ADAM18: variants seen among roughly 807,000 people sequenced by gnomAD.
ADAM18 encodes ADAM metallopeptidase domain 18, also known as disintegrin and metalloproteinase domain-containing protein 18.
A neutral mutation model predicts 94.4 loss-of-function variants in ADAM18; 117 were observed. That is an observed-to-expected ratio of 1.24 (90% CI 1.07 to 1.45). The LOEUF is 1.45. ADAM18 is among the 40% of genes most tolerant of loss of function. The pLI is 0.00. For missense variants in ADAM18, 936 were observed against 880.0 expected, an observed-to-expected ratio of 1.06 and a Z score of -0.81; for synonymous variants, 327 against 291.6, an observed-to-expected ratio of 1.12 and a Z score of -1.24.
At chr8:39,619,026 C>T (rs1289554096) in intron 6 of ADAM18, among the ~76,000 whole-genome samples, 1 of 151,980 alleles carries the variant, frequency 6.6e-6, no homozygotes, top group Non-Finnish European at 1.5e-5. Flanking sequence ...AGTAGCTATA[C>T]TTAGATAAAA....
chr8:39,641,630 G>A (rs1299961729), intron 10 of ADAM18, among the ~76,000 whole-genome samples: 1 of 152,056 alleles, frequency 6.6e-6, no homozygotes, highest in Admixed American at 6.6e-5. Flanking sequence ...GTGAGAACAT[G>A]TGGTATTTGG....
chr8:39,680,026 T>C lies in ADAM18; in HGVS notation c.1632-11T>C. The C allele has an allele frequency of 6.2e-7, 1 of 1,612,532 alleles. No individual in the cohort carries two copies. ...TAAACTGATAAGGAACTTTTTGCTT[T>C]CCACTTCCAGGGATGTTCTCTGTGG... On this transcript the variant is annotated splice_polypyrimidine_tract_variant and intron_variant, in intron 15 of 19. Coordinates refer to ENST00000265707, the MANE Select transcript of ADAM18 (RefSeq NM_014237.3).
chr8:39,653,614 A>C (rs1820600505), intron 12 of ADAM18, among the ~76,000 whole-genome samples: 1 of 152,244 alleles, frequency 6.6e-6, no homozygotes, highest in African/African-American at 2.4e-5. Context: ...TTTTAGACTT[A>C]GGAAAAAACC....
intron 6 of ADAM18, among the ~76,000 whole-genome samples, chr8:39,628,451 A>AGAT (rs905364067): frequency 2.0e-5 from 3 of 151,958 alleles, no homozygotes; most frequent in African/African-American, 7.2e-5. Context: ...ATAGATAGAT[A>AGAT]GATAGATAAA....
chr8:39,688,607 G>T (rs1332009325), intron 16 of ADAM18, among the ~76,000 whole-genome samples: 1 of 152,016 alleles, frequency 6.6e-6, no homozygotes, highest in African/African-American at 2.4e-5. Flanking sequence ...TGTATATGTA[G>T]CACATTTTCT....
intron 3 of ADAM18, among the ~76,000 whole-genome samples, chr8:39,607,672 C>G (rs759164102): frequency 1.3e-5 from 2 of 151,980 alleles, no homozygotes; most frequent in African/African-American, 4.8e-5. Context: ...GACTCCTGCT[C>G]CTGATTTTAC....
chr8:39,644,804 C>A (rs940926857), intron 10 of ADAM18, among the ~76,000 whole-genome samples: 1 of 152,032 alleles, frequency 6.6e-6, no homozygotes, highest in Non-Finnish European at 1.5e-5. Flanking sequence ...TATTTTATAC[C>A]CCTCCATAAA....
chr8:39,667,863 A>G (rs144115503), intron 13 of ADAM18, 135 bp from the exon 14 acceptor site: 2 of 846,252 alleles, frequency 2.4e-6, no homozygotes, highest in African/African-American at 3.4e-5. Context: ...TTTTTTGGCA[A>G]ACTCACGGAC....
At chr8:39,606,853 G>GT (rs1447919503) in intron 3 of ADAM18, among the ~76,000 whole-genome samples, 3 of 152,072 alleles carry the variant, frequency 2.0e-5, no homozygotes, top group Non-Finnish European at 2.9e-5. Context: ...GTCAAAGGGG[G>GT]TTGTTCTCTG....
At chr8:39,621,069 A>G (rs1248122260) in intron 6 of ADAM18, among the ~76,000 whole-genome samples, 5 of 152,080 alleles carry the variant, frequency 3.3e-5, no homozygotes, top group Non-Finnish European at 5.9e-5. Context: ...TATATAAATA[A>G]CTCAAAAGCC....
At chr8:39,667,460 A>G (rs577322831) in intron 13 of ADAM18, among the ~76,000 whole-genome samples, 1 of 151,742 alleles carries the variant, frequency 6.6e-6, no homozygotes, top group Admixed American at 6.6e-5. Context: ...TGCACACTGC[A>G]CTGCTTACTA....
chr8:39,680,429 C>T (rs1348975782), intron 16 of ADAM18, among the ~76,000 whole-genome samples: 2 of 152,020 alleles, frequency 1.3e-5, no homozygotes, highest in Non-Finnish European at 2.9e-5. Context: ...ATTATCAGTC[C>T]TTATGTTAAA....
chr8:39,618,148 A>T (rs1173993448), intron 6 of ADAM18, among the ~76,000 whole-genome samples: 1 of 152,210 alleles, frequency 6.6e-6, no homozygotes, highest in Admixed American at 6.5e-5. Context: ...GTATTGTGGG[A>T]TCTGGCCAGC....
intron 15 of ADAM18, among the ~76,000 whole-genome samples, chr8:39,678,952 G>A (rs1465355129): frequency 6.6e-6 from 1 of 152,158 alleles, no homozygotes; most frequent in Admixed American, 6.6e-5. Context: ...GGAAGAATTT[G>A]TACTCAGTAG....
At chr8:39,688,749 G>A (rs1821684834) in intron 16 of ADAM18, among the ~76,000 whole-genome samples, 1 of 152,000 alleles carries the variant, frequency 6.6e-6, no homozygotes, top group Non-Finnish European at 1.5e-5. Context: ...AACCAGTAAT[G>A]GGATTGTTCT....
At chr8:39,628,672 C>T (rs1819842345) in intron 6 of ADAM18, among the ~76,000 whole-genome samples, 1 of 151,950 alleles carries the variant, frequency 6.6e-6, no homozygotes, top group Non-Finnish European at 1.5e-5. Context: ...AGAAATTTCT[C>T]TGAAGTTTCT....
chr8:39,611,258 T>G (rs1819263329), intron 6 of ADAM18: 5 of 475,288 alleles, frequency 1.1e-5, no homozygotes, highest in Non-Finnish European at 1.4e-5. Flanking sequence ...GAGTTGCTTC[T>G]CTTTTGTTTC....
At chr8:39,718,542 TTGGGGTGGTAGTATGA>T (rs1822643611) in intron 18 of ADAM18, among the ~76,000 whole-genome samples, 4 of 151,368 alleles carry the variant, frequency 2.6e-5, no homozygotes, top group Admixed American at 2.6e-4. Context: ...ATGGTGGTTG[TTGGGGTGGTAGTATGA>T]TGGGGTGGAA....
chr8:39,620,552 A>C (rs960269798), intron 6 of ADAM18, among the ~76,000 whole-genome samples: 45 of 147,490 alleles, frequency 3.1e-4, no homozygotes, highest in Non-Finnish European at 4.5e-4. Flanking sequence ...TGTTATATTA[A>C]AAATATAATA....
Sources: gnomAD v4.1 joint callset for allele counts (sites outside exome capture counted in the v4.1 genomes callset) on GRCh38, gnomAD v4.1.1 for gene constraint, MANE v1.5 for transcripts, NCBI Gene and HGNC (gene_info 2026-07-23, HGNC 2026-07-21) for gene names.